SYNDIG1: variants seen among roughly 807,000 people sequenced by gnomAD.
SYNDIG1 encodes synapse differentiation inducing 1.
In SYNDIG1, 9 loss-of-function variants were observed where a neutral mutation model predicts 19.4. That is an observed-to-expected ratio of 0.46 (90% confidence interval 0.28 to 0.81). SYNDIG1 has a LOEUF of 0.81. Among genes scored for constraint, SYNDIG1 ranks in the 30% least tolerant of loss-of-function variants. SYNDIG1 has a pLI of 0.12. For synonymous variants in SYNDIG1, 141 were observed against 145.9 expected (o/e 0.97, Z 0.24); for missense variants, 311 against 343.3 (o/e 0.91, Z 0.74).
intron 3 of SYNDIG1, among the ~76,000 whole-genome samples, chr20:24,643,101 A>G (rs2059394221): frequency 6.6e-6 from 1 of 152,138 alleles, no homozygotes; most frequent in Non-Finnish European, 1.5e-5. Context: ...ATCCATCTGT[A>G]TCTGTATTAA....
intron 1 of SYNDIG1, among the ~76,000 whole-genome samples, chr20:24,528,676 C>G (rs1436626739): frequency 6.6e-6 from 1 of 152,162 alleles, no homozygotes; most frequent in Admixed American, 6.5e-5. Flanking sequence ...TCCAAGGGCT[C>G]CACCTCTTAA....
intron 2 of SYNDIG1, among the ~76,000 whole-genome samples, chr20:24,557,983 G>C (rs2057860248): frequency 6.6e-6 from 1 of 152,238 alleles, no homozygotes. Context: ...TGGGAGCTCA[G>C]TCTCAAATCC....
intron 1 of SYNDIG1, chr20:24,495,610 G>C (rs866361472): frequency 6.6e-6 from 1 of 152,372 alleles, no homozygotes; most frequent in African/African-American, 2.4e-5. Flanking sequence ...ACATGCCAGA[G>C]AACATCCCCT....
intron 3 of SYNDIG1, among the ~76,000 whole-genome samples, chr20:24,649,866 C>T (rs577038949): frequency 1.3e-4 from 20 of 152,194 alleles, no homozygotes; most frequent in South Asian, 4.2e-4. Flanking sequence ...AGTGACAGTA[C>T]CAAATGTAAA....
intron 1 of SYNDIG1, among the ~76,000 whole-genome samples, chr20:24,512,581 G>C (rs983296115): frequency 1.3e-5 from 2 of 152,114 alleles, no homozygotes; most frequent in Non-Finnish European, 2.9e-5. Context: ...AGGCAGCAGC[G>C]AGGCTGGGGG....
intron 3 of SYNDIG1, among the ~76,000 whole-genome samples, chr20:24,663,151 ACT>A (rs1241307364): frequency 6.6e-6 from 1 of 152,062 alleles, no homozygotes; most frequent in Non-Finnish European, 1.5e-5. Flanking sequence ...CACTGCAGAA[ACT>A]CTGGCTTCTA....
At chr20:24,662,832 T>C (rs1452932588) in intron 3 of SYNDIG1, among the ~76,000 whole-genome samples, 1 of 152,246 alleles carries the variant, frequency 6.6e-6, no homozygotes, top group Non-Finnish European at 1.5e-5. Flanking sequence ...AATAACAATC[T>C]TGACAAACTT....
At chr20:24,624,404 A>G (rs1047241199) in intron 3 of SYNDIG1, among the ~76,000 whole-genome samples, 7 of 152,234 alleles carry the variant, frequency 4.6e-5, no homozygotes, top group Admixed American at 2.0e-4. Context: ...TGGCTGTATT[A>G]ATTTGAGAAA....
At chr20:24,647,330 G>A (rs1366296734) in intron 3 of SYNDIG1, among the ~76,000 whole-genome samples, 1 of 152,162 alleles carries the variant, frequency 6.6e-6, no homozygotes, top group Non-Finnish European at 1.5e-5. Flanking sequence ...TGTTTCCCTG[G>A]AGCTGACACA....
At chr20:24,607,593 T>C (rs2058777320) in intron 3 of SYNDIG1, among the ~76,000 whole-genome samples, 1 of 151,972 alleles carries the variant, frequency 6.6e-6, no homozygotes, top group African/African-American at 2.4e-5. Flanking sequence ...GACATCTCCA[T>C]GGGCCACATT....
At chr20:24,633,594 C>T (rs2059279335) in intron 3 of SYNDIG1, among the ~76,000 whole-genome samples, 1 of 152,150 alleles carries the variant, frequency 6.6e-6, no homozygotes, top group Non-Finnish European at 1.5e-5. Context: ...TTCCTCCATC[C>T]TTTTTTCCAG....
At chr20:24,510,339 C>T (rs773572722) in intron 1 of SYNDIG1, among the ~76,000 whole-genome samples, 79 of 151,482 alleles carry the variant, frequency 5.2e-4, no homozygotes, top group Admixed American at 1.6e-3. Flanking sequence ...GAGGCCAAGG[C>T]GGGCAGATCA....
At chr20:24,571,119 G>A (rs1192037896) in intron 2 of SYNDIG1, among the ~76,000 whole-genome samples, 1 of 152,186 alleles carries the variant, frequency 6.6e-6, no homozygotes, top group Non-Finnish European at 1.5e-5. Flanking sequence ...AGGGGTTAAG[G>A]ATGGGGAAAG....
intron 3 of SYNDIG1, among the ~76,000 whole-genome samples, chr20:24,633,649 G>A (rs1015311353): frequency 1.3e-5 from 2 of 152,136 alleles, no homozygotes; most frequent in African/African-American, 2.4e-5. Flanking sequence ...AGGGTCATCT[G>A]GGAACGTTTT....
At chr20:24,564,196 CATT>C (rs1360637517) in intron 2 of SYNDIG1, among the ~76,000 whole-genome samples, 3 of 152,066 alleles carry the variant, frequency 2.0e-5, no homozygotes, top group Non-Finnish European at 4.4e-5. Flanking sequence ...AGAAGAAACA[CATT>C]ATTTGAATTC....
At chr20:24,524,873 C>T (rs758156643) in intron 1 of SYNDIG1, among the ~76,000 whole-genome samples, 2 of 152,084 alleles carry the variant, frequency 1.3e-5, no homozygotes, top group African/African-American at 4.8e-5. Flanking sequence ...CTTGTGGATC[C>T]TCTGTGTGGT....
rs572710759 is a variant in SYNDIG1, at chr20:24,531,980, G to A, written c.-78-11040G>A. Among the ~76,000 whole-genome samples the A allele has an allele frequency of 2.0e-5, 3 of 152,338 alleles. No individual in the cohort carries two copies. In the East Asian group the frequency reaches 5.8e-4, roughly 29 times the overall value. On this transcript the variant is annotated intron_variant, in intron 1 of 3. Coordinates refer to ENST00000376862, the MANE Select transcript of SYNDIG1 (RefSeq NM_024893.3). ...GGGTAACAGAGGCTGCCTCCAGCAGGATTTGTCTGGTCCATCTAATGCCTC... is the reference window on the plus strand; with the variant it reads ...GGGTAACAGAGGCTGCCTCCAGCAGAATTTGTCTGGTCCATCTAATGCCTC...
chr20:24,645,015 A>C (rs1432690711), intron 3 of SYNDIG1, among the ~76,000 whole-genome samples: 1 of 152,242 alleles, frequency 6.6e-6, no homozygotes, highest in African/African-American at 2.4e-5. Context: ...ACAGTGAAGC[A>C]ATGGGTTTGA....
At chr20:24,657,525 C>T (rs2059539496) in intron 3 of SYNDIG1, among the ~76,000 whole-genome samples, 1 of 152,184 alleles carries the variant, frequency 6.6e-6, no homozygotes, top group Non-Finnish European at 1.5e-5. Flanking sequence ...CACAGTCCAT[C>T]TCCTCCCTGC....
Sources: allele counts gnomAD v4.1 joint callset (sites outside exome capture counted in the v4.1 genomes callset), GRCh38; gene constraint gnomAD v4.1.1; transcripts MANE v1.5; gene names NCBI Gene and HGNC (gene_info 2026-07-23, HGNC 2026-07-21).